LRRTM4: variants seen among roughly 807,000 people sequenced by gnomAD.
LRRTM4 encodes leucine rich repeat transmembrane neuronal 4, also known as leucine-rich repeat transmembrane neuronal protein 4.
In LRRTM4, 25 loss-of-function variants were observed where a neutral mutation model predicts 47.6. The ratio of observed to expected loss-of-function variants is 0.53; its 90% CI spans 0.38 to 0.73. The LOEUF (loss-of-function observed/expected upper bound fraction) is 0.73. LRRTM4 is among the 30% of genes least tolerant of loss of function. The probability of loss-of-function intolerance (pLI) is 0.00; values close to 1 mark genes in which losing one functional copy is unlikely to be tolerated. For missense variants in LRRTM4, 638 were observed against 713.4 expected (o/e 0.89, Z 1.20); for synonymous variants, 311 against 269.5 (o/e 1.15, Z -1.51).
chr2:77,328,306 C>T (rs1416186928), intron 3 of LRRTM4, among the ~76,000 whole-genome samples: 3 of 152,280 alleles, frequency 2.0e-5, no homozygotes, highest in Middle Eastern at 6.8e-3. Flanking sequence ...CACATAAAAG[C>T]ACTGCTCTGG....
chr2:76,921,714 T>G (rs1011799365), intron 3 of LRRTM4, among the ~76,000 whole-genome samples: 1 of 152,116 alleles, frequency 6.6e-6, no homozygotes, highest in Non-Finnish European at 1.5e-5. Flanking sequence ...TTATTTTGGC[T>G]CCTATATCCC....
At chr2:76,938,600 A>G (rs1675035164) in intron 3 of LRRTM4, among the ~76,000 whole-genome samples, 1 of 150,624 alleles carries the variant, frequency 6.6e-6, no homozygotes, top group South Asian at 2.2e-4. Flanking sequence ...AAAATGAGAT[A>G]CTACATTTCA....
At position 77,354,539 on chromosome 2, in the gene LRRTM4, C is replaced by T. The variant is rs144389209; in HGVS notation, c.1551+163779G>A. On this transcript the variant is annotated intron_variant, in intron 3 of 3. Coordinates refer to ENST00000409884, the MANE Select transcript of LRRTM4 (RefSeq NM_001134745.3). ...AGTTTCCCAGAAGCAAACCTTGAAA[C>T]CAGTCATCATGGGCAAGTATTTTAT... is the stretch of plus-strand genomic sequence containing the variant. Among the ~76,000 whole-genome samples, 627 of 152,116 alleles carry T rather than the reference C, an allele frequency of 4.1e-3. 3 individuals are homozygous for T. The highest frequency in any genetic ancestry group is 0.014 in the African/African-American group (595 of 41,474).
In LRRTM4 at chr2:77,029,057, A is replaced by ATATATATATATATAATATATATATAT. The variant is rs1558537510; in HGVS notation, c.1552-280167_1552-280142dup. ...CACACACACACACACACACAAATATATATATATATATATAATATATATATA... is the reference window on the plus strand; with the variant it reads ...CACACACACACACACACACAAATATATATATATATATATAATATATATATATTATATATATATATAATATATATATA... On this transcript the variant is annotated intron_variant, in intron 3 of 3. Coordinates refer to ENST00000409884, the MANE Select transcript of LRRTM4 (RefSeq NM_001134745.3). Among the ~76,000 whole-genome samples, 4 of 144,842 alleles carry ATATATATATATATAATATATATATAT rather than the reference A, an allele frequency of 2.8e-5. No homozygotes were observed. In the South Asian group the frequency reaches 7.1e-4, roughly 26 times the overall value.
intron 3 of LRRTM4, among the ~76,000 whole-genome samples, chr2:76,814,909 A>C (rs1189330889): frequency 6.6e-6 from 1 of 152,140 alleles, no homozygotes; most frequent in Non-Finnish European, 1.5e-5. Flanking sequence ...ACAAAAAATG[A>C]AATAAAACAA....
At chr2:77,275,015 G>T (rs1195687217) in intron 3 of LRRTM4, among the ~76,000 whole-genome samples, 1 of 151,896 alleles carries the variant, frequency 6.6e-6, no homozygotes, top group Non-Finnish European at 1.5e-5. Flanking sequence ...AATCCTGATG[G>T]CAATAGAAAC....
chr2:77,353,373 T>C (rs913237195), intron 3 of LRRTM4, among the ~76,000 whole-genome samples: 2 of 152,214 alleles, frequency 1.3e-5, no homozygotes, highest in Non-Finnish European at 2.9e-5. Context: ...TATACCTTTG[T>C]TGTGCATTGT....
intron 3 of LRRTM4, among the ~76,000 whole-genome samples, chr2:76,974,211 C>T (rs865925035): frequency 0.017 from 1,976 of 118,038 alleles, 81 homozygotes; most frequent in African/African-American, 0.066. Flanking sequence ...TATATATATA[C>T]ACATATATAT....
intron 3 of LRRTM4, among the ~76,000 whole-genome samples, chr2:76,935,504 G>C (rs968283804): frequency 2.0e-5 from 3 of 152,048 alleles, no homozygotes; most frequent in African/African-American, 7.2e-5. Context: ...TTTTCCATTT[G>C]TTTGTGTCCT....
intron 3 of LRRTM4, among the ~76,000 whole-genome samples, chr2:77,102,739 A>G (rs560322616): frequency 1.4e-4 from 21 of 152,284 alleles, no homozygotes; most frequent in African/African-American, 4.8e-4. Context: ...GAAATTCTCA[A>G]TGCAAAGAAA....
intron 3 of LRRTM4, among the ~76,000 whole-genome samples, chr2:77,210,787 C>T (rs1674270622): frequency 6.6e-6 from 1 of 151,944 alleles, no homozygotes; most frequent in African/African-American, 2.4e-5. Flanking sequence ...AATAATTTTC[C>T]AAAATAATTT....
At chr2:77,249,479 T>C (rs763237644) in intron 3 of LRRTM4, among the ~76,000 whole-genome samples, 4 of 111,940 alleles carry the variant, frequency 3.6e-5, no homozygotes, top group Non-Finnish European at 5.6e-5. Context: ...TGCATTGTTA[T>C]TGAAAATATT....
chr2:76,938,280 ACTGT>A (rs1675025430), intron 3 of LRRTM4, among the ~76,000 whole-genome samples: 1 of 152,106 alleles, frequency 6.6e-6, no homozygotes, highest in Non-Finnish European at 1.5e-5. Flanking sequence ...TTTGGTCCTA[ACTGT>A]CTGGCAAACT....
At chr2:77,505,174 T>C (rs1390585853) in intron 3 of LRRTM4, among the ~76,000 whole-genome samples, 1 of 151,134 alleles carries the variant, frequency 6.6e-6, no homozygotes, top group African/African-American at 2.4e-5. Flanking sequence ...ACAACCATAA[T>C]TTATTCCAGA....
At chr2:77,046,118 T>C (rs781324211) in intron 3 of LRRTM4, among the ~76,000 whole-genome samples, 3 of 152,124 alleles carry the variant, frequency 2.0e-5, no homozygotes, top group Non-Finnish European at 2.9e-5. Context: ...GTATTACCTG[T>C]ACTGGGAGCT....
intron 3 of LRRTM4, among the ~76,000 whole-genome samples, chr2:77,180,890 TA>T (rs2103856086): frequency 6.6e-6 from 1 of 152,322 alleles, no homozygotes; most frequent in South Asian, 2.1e-4. Flanking sequence ...GCATGAATGA[TA>T]AACATTGAAT....
chr2:77,128,654 C>T (rs545525930), intron 3 of LRRTM4, among the ~76,000 whole-genome samples: 247 of 152,220 alleles, frequency 1.6e-3, no homozygotes, highest in Admixed American at 3.3e-3. Flanking sequence ...GCTGATGAGA[C>T]GAAATCTCAC....
chr2:76,986,123 G>T (rs1407895451), intron 3 of LRRTM4: 1 of 142,508 alleles, frequency 7.0e-6, no homozygotes, highest in African/African-American at 2.8e-5. Context: ...GATTTTCATT[G>T]GACTTTTGCA....
At chr2:77,191,928 T>G (rs1424840433) in intron 3 of LRRTM4, among the ~76,000 whole-genome samples, 9 of 151,946 alleles carry the variant, frequency 5.9e-5, no homozygotes, top group Non-Finnish European at 1.3e-4. Context: ...AGGATAATAA[T>G]ACAAATAAAG....
Sources: allele counts gnomAD v4.1 joint callset (sites outside exome capture counted in the v4.1 genomes callset), GRCh38; gene constraint gnomAD v4.1.1; transcripts MANE v1.5; gene names NCBI Gene and HGNC (gene_info 2026-07-23, HGNC 2026-07-21).